COPB1: variants seen among roughly 807,000 people sequenced by gnomAD.
The protein encoded by COPB1 is coat protein complex I subunit beta 1.
A neutral mutation model predicts 108.7 loss-of-function variants in COPB1; 21 were observed. The ratio of observed to expected loss-of-function variants is 0.19; its 90% CI spans 0.14 to 0.28. The LOEUF (loss-of-function observed/expected upper bound fraction) is 0.28. Ranked by LOEUF, COPB1 falls within the 10% of genes least tolerant of loss-of-function variation. The pLI is 1.00. For missense variants in COPB1, 919 were observed against 1,141.3 expected, an observed-to-expected ratio of 0.81 and a Z score of 2.81; for synonymous variants, 378 against 386.8, an observed-to-expected ratio of 0.98 and a Z score of 0.27.
At chr11:14,473,101 A>T (rs1370500854) in intron 14 of COPB1, among the ~76,000 whole-genome samples, 1 of 152,004 alleles carries the variant, frequency 6.6e-6, no homozygotes, top group Admixed American at 6.6e-5. Context: ...CAGCCTCCCA[A>T]GTAGCTGGGA....
chr11:14,483,002 T>C (rs1469065714), intron 8 of COPB1, 30 bp downstream of exon 8: 3 of 1,510,580 alleles, frequency 2.0e-6, no homozygotes, highest in Admixed American at 4.1e-5. Context: ...ACATTTTATT[T>C]AGGATCTCTC....
intron 4 of COPB1, 90 bp downstream of exon 4, chr11:14,493,552 A>G: frequency 9.4e-7 from 1 of 1,068,994 alleles, no homozygotes; most frequent in South Asian, 2.2e-5. Flanking sequence ...TTCAAGCTAT[A>G]TTCAGTCTGC....
At position 14,470,189 on chromosome 11, in the gene COPB1, C is replaced by G. The variant is rs189309007; in HGVS notation, c.1738-626G>C. Among the ~76,000 whole-genome samples the G allele has an allele frequency of 2.8e-3, 429 of 152,320 alleles. 1 individual carries two copies. The highest frequency in any genetic ancestry group is 4.5e-3 in the Non-Finnish European group (306 of 68,024). On this transcript the variant is annotated intron_variant, in intron 14 of 21. Transcript: ENST00000439561. ...CTTCATGCATTTTATCCCTCTTAAT[C>G]TAGACCAGTTCTCTGCCGTTTTGTT...
chr11:14,462,789 CTT>C (rs143919459), intron 18 of COPB1, among the ~76,000 whole-genome samples: 1,655 of 152,282 alleles, frequency 0.011, 30 homozygotes, highest in African/African-American at 0.037. Flanking sequence ...ATCCTTATGT[CTT>C]TACTTTCCCA....
chr11:14,486,212 A>C (rs910467010), intron 7 of COPB1, among the ~76,000 whole-genome samples, 155 bp downstream of exon 7: 2 of 152,232 alleles, frequency 1.3e-5, no homozygotes, highest in African/African-American at 4.8e-5. Flanking sequence ...AAAAGAAGGA[A>C]GGCTGAACAA....
Position 14,465,108 on chromosome 11 carries a change from C to T in COPB1, c.2291-78G>A, listed in dbSNP as rs534585117. On this transcript the variant is annotated intron_variant, in intron 17 of 21. Transcript: ENST00000439561. Reference sequence around the variant, plus strand: ...ACACACACACACACACACACACACACACTAACCATAAAACCTTAAATGTAT... The same window carrying T: ...ACACACACACACACACACACACACATACTAACCATAAAACCTTAAATGTAT... 2.9e-5 allele frequency: 34 copies of T among 1,174,542 alleles called. No homozygotes were observed. The African/African-American group carries it at 5.6e-4, about 19-fold the overall frequency. The allele number at this position is 1,174,542 out of a possible 1,614,324, so 72.8% of individuals were successfully genotyped here. A position where few individuals can be genotyped will look rare whatever the true frequency, so the allele number is the denominator to read the frequency against.
chr11:14,494,340 C>T lies in COPB1; in HGVS notation c.191G>A (p.Arg64His), dbSNP rs1324244888. ...KLPGLLMTIIRFVLPLQDHTI... is the reference protein window; with the variant it reads ...KLPGLLMTIIHFVLPLQDHTI... Reference sequence around the variant, plus strand: ...GTGATCCTGAAGAGGTAGCACAAAACGAATGATGGTCATCAGAAGTCCAGG... The same window carrying T: ...GTGATCCTGAAGAGGTAGCACAAAATGAATGATGGTCATCAGAAGTCCAGG... The change falls in exon 3 of 22, where the codon CGT (arginine) becomes CAT (histidine). Residue 64 changes from arginine to histidine, a missense_variant. By Grantham distance (29) the Arg-to-His change is conservative. Coordinates refer to ENST00000439561, the MANE Select transcript of COPB1 (RefSeq NM_001144061.2). The T allele has an allele frequency of 3.1e-6, 5 of 1,613,452 alleles. No individual in the cohort carries two copies. Among genetic ancestry groups the T allele is most frequent in the Admixed American group, 1.7e-5 (1 of 59,998 alleles).
intron 4 of COPB1, among the ~76,000 whole-genome samples, chr11:14,492,576 C>T (rs1170594381): frequency 2.6e-5 from 4 of 151,978 alleles, no homozygotes; most frequent in African/African-American, 7.3e-5. Flanking sequence ...CTCCCGACCT[C>T]AGGTTATCGG....
chr11:14,480,390 T>C (rs1452374470), intron 10 of COPB1, among the ~76,000 whole-genome samples: 8 of 152,212 alleles, frequency 5.3e-5, no homozygotes, highest in Non-Finnish European at 1.0e-4. Flanking sequence ...CAAAATATTC[T>C]ACATATGTGA....
At chr11:14,463,722 T>C (rs1400902067) in intron 18 of COPB1, among the ~76,000 whole-genome samples, 2 of 152,238 alleles carry the variant, frequency 1.3e-5, no homozygotes, top group Non-Finnish European at 2.9e-5. Context: ...ATTTAACCTA[T>C]TATGTCTCTC....
At chr11:14,467,738 T>C (rs977711145) in intron 16 of COPB1, among the ~76,000 whole-genome samples, 3 of 152,210 alleles carry the variant, frequency 2.0e-5, no homozygotes, top group Admixed American at 2.0e-4. Context: ...ATACATGCTA[T>C]GACATGAATG....
At chr11:14,496,208 T>G (rs1458592324) in intron 2 of COPB1, among the ~76,000 whole-genome samples, 3 of 152,190 alleles carry the variant, frequency 2.0e-5, no homozygotes, top group African/African-American at 4.8e-5. Context: ...GTTGTATTTA[T>G]TTTTAGCAGT....
chr11:14,497,413 C>T (rs1851047544), intron 2 of COPB1, among the ~76,000 whole-genome samples: 1 of 151,348 alleles, frequency 6.6e-6, no homozygotes, highest in Non-Finnish European at 1.5e-5. Flanking sequence ...CAAAGACATA[C>T]AATTGGCAAA....
chr11:14,464,864 T>C, intron 18 of COPB1, 47 bp downstream of exon 18: 1 of 1,587,822 alleles, frequency 6.3e-7, no homozygotes, highest in Non-Finnish European at 8.6e-7. Flanking sequence ...ATAGAAATTC[T>C]TCAGTAAAAG....
chr11:14,489,836 T>C (rs759923777), intron 5 of COPB1, among the ~76,000 whole-genome samples: 12 of 152,236 alleles, frequency 7.9e-5, no homozygotes, highest in East Asian at 3.8e-4. Context: ...TTTAAAATCA[T>C]TGAACACTTA....
intron 18 of COPB1, 109 bp from the exon 19 acceptor site, chr11:14,461,440 T>A: frequency 1.8e-6 from 2 of 1,096,944 alleles, no homozygotes; most frequent in Non-Finnish European, 2.6e-6. Context: ...TAAGATTGTT[T>A]ATATAATACT....
rs577995160 is a variant in COPB1 at position 14,488,700 on chromosome 11, CAA to C, written c.607-118_607-117del. 22 of 454,390 alleles carry C rather than the reference CAA, an allele frequency of 4.8e-5. No individual in the cohort carries two copies. The Admixed American group carries it at 4.9e-4, about 10-fold the overall frequency. 28.1% of individuals were successfully genotyped at this position (454,390 alleles called of 1,614,324 possible). ...TATAAAACAAATGAGGAGATCAGGG[CAA>C]AGAGAAATTAACTGGGAAAAAAATC... On this transcript the variant is annotated intron_variant, in intron 5 of 21. Coordinates refer to ENST00000439561, the MANE Select transcript of COPB1 (RefSeq NM_001144061.2).
At chr11:14,476,101 G>A (rs1178126623) in intron 12 of COPB1, among the ~76,000 whole-genome samples, 156 bp from the exon 13 acceptor site, 2 of 152,182 alleles carry the variant, frequency 1.3e-5, no homozygotes, top group Non-Finnish European at 2.9e-5. Flanking sequence ...CCAGGATAAT[G>A]TAGTAGGTAG....
rs1403628082 is a variant in COPB1 at position 14,479,432 on chromosome 11, G to A, written c.1358+137C>T. 1.3e-5 allele frequency: 9 copies of A among 717,678 alleles called. No homozygotes were observed. The Admixed American group carries it at 1.6e-4, about 13-fold the overall frequency. The allele number at this position is 717,678 out of a possible 1,614,324, so 44.5% of individuals were successfully genotyped here. A position where few individuals can be genotyped will look rare whatever the true frequency, so the allele number is the denominator to read the frequency against. ...TAGACTAAATGAGAGTGGAGTTAGCGAGATGCTTGTTGTACAAACTTGTCT... is the reference window on the plus strand; with the variant it reads ...TAGACTAAATGAGAGTGGAGTTAGCAAGATGCTTGTTGTACAAACTTGTCT... On this transcript the variant is annotated intron_variant, in intron 11 of 21. Transcript: ENST00000439561.
Sources: allele counts gnomAD v4.1 joint callset (sites outside exome capture counted in the v4.1 genomes callset), GRCh38; gene constraint gnomAD v4.1.1; transcripts MANE v1.5; gene names NCBI Gene and HGNC (gene_info 2026-07-23, HGNC 2026-07-21).